Variants in ORC5 observed in about 807,000 individuals in gnomAD.
The protein encoded by ORC5 is protein phosphatase 1, regulatory subunit 117.
A neutral mutation model predicts 58.8 loss-of-function variants in ORC5; 39 were observed. The observed-to-expected ratio is 0.66, with a 90% confidence interval of 0.51 to 0.87. ORC5 has a LOEUF of 0.87. ORC5 is among the 40% of genes least tolerant of loss of function. ORC5 has a pLI of 0.00. For missense variants in ORC5, 493 were observed against 506.3 expected, an observed-to-expected ratio of 0.97 and a Z score of 0.25; for synonymous variants, 218 against 177.6, an observed-to-expected ratio of 1.23 and a Z score of -1.81.
chr7:104,206,765 T>C (rs1800096441), intron 1 of ORC5, among the ~76,000 whole-genome samples: 1 of 152,218 alleles, frequency 6.6e-6, no homozygotes. Flanking sequence ...AAGATTATAA[T>C]ACCCTATTTT....
Position 104,184,112 on chromosome 7 carries a change from TAC to T in ORC5, c.733+9_733+10del. 4.4e-6 allele frequency: 7 copies of T among 1,591,412 alleles called. No homozygotes were observed. The highest frequency in any genetic ancestry group is 6.0e-6 in the Non-Finnish European group (7 of 1,163,716). On this transcript the variant is annotated intron_variant, in intron 7 of 13. Coordinates refer to ENST00000297431, the MANE Select transcript of ORC5 (RefSeq NM_002553.4). ...CAAAATAAATATTAATGAGTAAAAT[TAC>T]ACAGTTACCTTCTCCTTTAACCACG...
rs150014137 is a variant in ORC5 at position 104,167,159 on chromosome 7, A to T, written c.878-275T>A. ...TCTTCAAGGCCACGCTCTCCATTAA[A>T]CCCCTGGTGTTCCCCTACCACACCA... is the stretch of plus-strand genomic sequence containing the variant. On this transcript the variant is annotated intron_variant, in intron 9 of 13. Coordinates refer to ENST00000297431, the MANE Select transcript of ORC5 (RefSeq NM_002553.4). Among the ~76,000 whole-genome samples the T allele has an allele frequency of 7.9e-3, 1,196 of 151,892 alleles. 14 individuals carry two copies. Among genetic ancestry groups the T allele is most frequent in the African/African-American group, 0.027 (1,120 of 41,430 alleles).
chr7:104,206,270 A>C (rs1188167521), intron 1 of ORC5, among the ~76,000 whole-genome samples: 9 of 152,240 alleles, frequency 5.9e-5, no homozygotes, highest in Non-Finnish European at 1.2e-4. Context: ...TATTCTTAGA[A>C]ACATGAACCA....
intron 13 of ORC5, among the ~76,000 whole-genome samples, chr7:104,130,438 G>A (rs747049800): frequency 6.6e-6 from 1 of 152,136 alleles, no homozygotes; most frequent in Non-Finnish European, 1.5e-5. Context: ...TCCAATGAAT[G>A]TTTAACTCTC....
intron 6 of ORC5, chr7:104,187,433 A>G (rs1221315133): frequency 6.6e-6 from 1 of 152,220 alleles, no homozygotes. Context: ...GAAACTAAGT[A>G]ATACTTTTCA....
At chr7:104,193,613 A>T (rs1242779186) in intron 5 of ORC5, among the ~76,000 whole-genome samples, 1 of 151,866 alleles carries the variant, frequency 6.6e-6, no homozygotes, top group Admixed American at 6.6e-5. Context: ...AACACTAATC[A>T]CTTAGATAAT....
intron 5 of ORC5, among the ~76,000 whole-genome samples, chr7:104,190,227 G>A (rs1334064155): frequency 1.3e-5 from 2 of 151,752 alleles, no homozygotes; most frequent in Admixed American, 6.6e-5. Flanking sequence ...CCTTATTACC[G>A]GCAAAATCAG....
At chr7:104,202,003 T>C (rs1459432550) in intron 2 of ORC5, among the ~76,000 whole-genome samples, 1 of 152,060 alleles carries the variant, frequency 6.6e-6, no homozygotes, top group Non-Finnish European at 1.5e-5. Context: ...GGTGGAAGTA[T>C]CACTTGAGCC....
chr7:104,175,672 T>C (rs758934058), intron 8 of ORC5, among the ~76,000 whole-genome samples: 6 of 152,182 alleles, frequency 3.9e-5, no homozygotes, highest in Non-Finnish European at 7.3e-5. Flanking sequence ...AGAGCAATAA[T>C]ATAACATTTC....
intron 12 of ORC5, among the ~76,000 whole-genome samples, chr7:104,158,869 C>T (rs1038422345): frequency 2.0e-5 from 3 of 152,004 alleles, no homozygotes; most frequent in African/African-American, 7.3e-5. Flanking sequence ...AACACTTTTA[C>T]ACTGTTGGTG....
intron 13 of ORC5, among the ~76,000 whole-genome samples, chr7:104,133,000 A>G (rs1204644100): frequency 1.3e-5 from 2 of 152,152 alleles, no homozygotes; most frequent in Non-Finnish European, 2.9e-5. Context: ...GTGAATATAA[A>G]AAATGGAAAA....
At chr7:104,127,022 C>T in intron 13 of ORC5, 129 bp from the exon 14 acceptor site, 1 of 560,192 alleles carries the variant, frequency 1.8e-6, no homozygotes, top group Admixed American at 3.4e-5. Flanking sequence ...ATCAAATGCA[C>T]CCTGATAGGA....
intron 10 of ORC5, chr7:104,165,782 A>C (rs1185273362): frequency 1.3e-5 from 2 of 155,174 alleles, no homozygotes; most frequent in African/African-American, 4.8e-5. Context: ...GAAACTAAAG[A>C]GGGTCAGGTA....
chr7:104,136,094 C>G lies in ORC5; in HGVS notation c.1262+687G>C, dbSNP rs1217205579. On this transcript the variant is annotated intron_variant, in intron 13 of 13. Transcript: ENST00000297431. The surrounding 1 kb of genome is among the most constrained non-coding windows in gnomAD (Gnocchi z 4.2). ...TCATTTTGACAAATGTACTTTCTTC[C>G]CCAGAACTTCTAACATTCTAGAATT... Among the ~76,000 whole-genome samples, 1 of 152,048 alleles carries G rather than the reference C, an allele frequency of 6.6e-6. No homozygotes were observed. The highest frequency in any genetic ancestry group is 1.5e-5 in the Non-Finnish European group (1 of 68,018).
intron 8 of ORC5, among the ~76,000 whole-genome samples, chr7:104,174,334 T>C (rs934569325): frequency 6.6e-6 from 1 of 152,138 alleles, no homozygotes; most frequent in Non-Finnish European, 1.5e-5. Flanking sequence ...AAAACACTGG[T>C]CCAAATGCCT....
chr7:104,145,262 T>C (rs1045886365), intron 12 of ORC5, among the ~76,000 whole-genome samples: 1 of 152,194 alleles, frequency 6.6e-6, no homozygotes, highest in Non-Finnish European at 1.5e-5. Context: ...TCTTATTCAG[T>C]GACACATCTG....
At chr7:104,180,911 A>G (rs1799419005) in intron 8 of ORC5, among the ~76,000 whole-genome samples, 1 of 152,168 alleles carries the variant, frequency 6.6e-6, no homozygotes, top group Admixed American at 6.5e-5. Context: ...ATCCATGGCT[A>G]TTCTAAGTCT....
At position 104,133,520 on chromosome 7, in the gene ORC5, G is replaced by C. The variant is rs1221505066; in HGVS notation, c.1262+3261C>G. ...CACTTTTTGTTGGTGGGTTGAAGCA[G>C]AGGTTAGAATTCCTAAGTTCAGTTT... On this transcript the variant is annotated intron_variant, in intron 13 of 13. Transcript: ENST00000297431. This position sits in a 1 kb window ranked among gnomAD's most constrained non-coding sequence, Gnocchi z 4.7. Among the ~76,000 whole-genome samples, 1 of 152,156 alleles carries C rather than the reference G, an allele frequency of 6.6e-6. No homozygotes were observed. Among genetic ancestry groups the C allele is most frequent in the Non-Finnish European group, 1.5e-5 (1 of 68,032 alleles).
At chr7:104,154,961 TA>T (rs879814966) in intron 12 of ORC5, among the ~76,000 whole-genome samples, 27 of 149,746 alleles carry the variant, frequency 1.8e-4, no homozygotes, top group Non-Finnish European at 2.8e-4. Context: ...AAGTATTTGC[TA>T]AAAAAAAAAT....
Sources: gnomAD v4.1 joint callset for allele counts (sites outside exome capture counted in the v4.1 genomes callset) on GRCh38, gnomAD v4.1.1 for gene constraint, Gnocchi (gnomAD v3.1) non-coding constraint, MANE v1.5 for transcripts, NCBI Gene and HGNC (gene_info 2026-07-23, HGNC 2026-07-21) for gene names.